The following TMEM130 variants were observed in gnomAD, a reference collection of about 807,000 sequenced individuals.
TMEM130 encodes transmembrane protein 130.
TMEM130 carries 37 observed loss-of-function variants against 42.9 expected under a neutral mutation model. The ratio of observed to expected loss-of-function variants is 0.86; its 90% CI spans 0.66 to 1.13. The LOEUF (loss-of-function observed/expected upper bound fraction) is 1.13, where lower values mean the gene tolerates loss of function less well. Ranked by LOEUF, TMEM130 falls within the 50% of genes most tolerant of loss-of-function variation. TMEM130 has a pLI of 0.00. For synonymous variants in TMEM130, 259 were observed against 237.7 expected, an observed-to-expected ratio of 1.09 and a Z score of -0.82; for missense variants, 545 against 562.6, an observed-to-expected ratio of 0.97 and a Z score of 0.32.
intron 6 of TMEM130, among the ~76,000 whole-genome samples, chr7:98,850,273 A>ATATATATATATATTT: frequency 2.5e-4 from 9 of 35,444 alleles, no homozygotes; most frequent in Admixed American, 4.3e-4. Context: ...ATATATATAT[A>ATATATATATATATTT]TTTTTTTTTT....
At chr7:98,851,101 G>C (rs570106491) in intron 6 of TMEM130, among the ~76,000 whole-genome samples, 1 of 152,116 alleles carries the variant, frequency 6.6e-6, no homozygotes, top group Non-Finnish European at 1.5e-5. Context: ...GGTAATGGTG[G>C]TAGCTGAGTT....
At position 98,862,355 on chromosome 7, in the gene TMEM130, A is replaced by G. The variant is rs190573339; in HGVS notation, c.391+740T>C. Among the ~76,000 whole-genome samples, 3 of 151,706 alleles carry G rather than the reference A, an allele frequency of 2.0e-5. No homozygotes were observed. In the East Asian group the frequency reaches 5.8e-4, roughly 29 times the overall value. ...AGATAGAAAGGGAAAACAGAGAGAG[A>G]AGGGACAGAGAGAGACAGAAAGAGA... On this transcript the variant is annotated intron_variant, in intron 2 of 7. Transcript: ENST00000339375.
rs782417699 is a variant in TMEM130 at position 98,848,542 on chromosome 7, C to A, written c.1119+41G>T. The A allele has an allele frequency of 2.5e-5, 35 of 1,380,768 alleles. No homozygotes were observed. The Admixed American group carries it at 4.0e-4, about 16-fold the overall frequency. 85.5% of individuals were successfully genotyped at this position (1,380,768 alleles called of 1,614,324 possible). A position where few individuals can be genotyped will look rare whatever the true frequency, so the allele number is the denominator to read the frequency against. On this transcript the variant is annotated intron_variant, in intron 7 of 7. Transcript: ENST00000339375. ...ACCCTCTCTAAACATCCTCTCTAGG[C>A]AAGGCCCAGTAGTCCAGCCCCCACC...
intron 6 of TMEM130, among the ~76,000 whole-genome samples, chr7:98,851,047 G>C (rs1229451538): frequency 6.6e-6 from 1 of 152,134 alleles, no homozygotes. Flanking sequence ...AGAGTCGTTA[G>C]TGGTGGCAAT....
intron 2 of TMEM130, among the ~76,000 whole-genome samples, chr7:98,861,455 C>G (rs548812661): frequency 1.2e-4 from 19 of 152,298 alleles, no homozygotes; most frequent in African/African-American, 4.6e-4. Flanking sequence ...TGGCTCACAC[C>G]TGTAATCCCA....
At chr7:98,850,099 G>C (rs372451566) in intron 6 of TMEM130, among the ~76,000 whole-genome samples, 1 of 150,472 alleles carries the variant, frequency 6.6e-6, no homozygotes, top group East Asian at 1.9e-4. Context: ...GCTCAGGCTG[G>C]AGTGCTGTGG....
chr7:98,849,764 G>A (rs1794445308), intron 6 of TMEM130, among the ~76,000 whole-genome samples: 1 of 152,168 alleles, frequency 6.6e-6, no homozygotes. Flanking sequence ...CTCAGGCTCA[G>A]GCTGACATCC....
rs1794501694 is a variant in TMEM130, at chr7:98,851,433, C to T, written c.994G>A (p.Val332Met). ...SKTHQYHKIQVWPSRIQPAVF... is the reference protein window; with the variant it reads ...SKTHQYHKIQMWPSRIQPAVF... Reference sequence around the variant, plus strand: ...AGGTGTCACTTACTGGAGGGCCACACCTGGATCTTGTGGTACTGATGTGTC... The same window carrying T: ...AGGTGTCACTTACTGGAGGGCCACATCTGGATCTTGTGGTACTGATGTGTC... Residue 332 changes from valine to methionine, a missense_variant, in exon 6 of 8, where the codon GTG becomes ATG. Physicochemically the swap from Val to Met is conservative, Grantham distance 21. Transcript: ENST00000339375. 1 of 1,613,930 alleles carries T rather than the reference C, an allele frequency of 6.2e-7. No individual in the cohort carries two copies. The highest frequency in any genetic ancestry group is 1.1e-5 in the South Asian group (1 of 91,064).
chr7:98,851,221 T>C (rs1410206496), intron 6 of TMEM130, among the ~76,000 whole-genome samples, 200 bp downstream of exon 6: 1 of 151,940 alleles, frequency 6.6e-6, no homozygotes, highest in Non-Finnish European at 1.5e-5. Context: ...AGTTTGGTGG[T>C]GGTGGTATTG....
chr7:98,848,457 A>G, intron 7 of TMEM130, 126 bp downstream of exon 7: 1 of 803,206 alleles, frequency 1.2e-6, no homozygotes, highest in Non-Finnish European at 2.1e-6. Context: ...CATCACCCCA[A>G]GTCCCGGAGC....
At chr7:98,849,212 T>G (rs1202488632) in intron 6 of TMEM130, among the ~76,000 whole-genome samples, 2 of 152,190 alleles carry the variant, frequency 1.3e-5, no homozygotes, top group African/African-American at 4.8e-5. Flanking sequence ...TGAAATGGTA[T>G]GGTAGAAAGA....
intron 3 of TMEM130, among the ~76,000 whole-genome samples, chr7:98,856,468 G>A (rs569796093): frequency 2.2e-4 from 34 of 152,318 alleles, no homozygotes; most frequent in African/African-American, 7.9e-4. Flanking sequence ...ACAGCCCCAC[G>A]TGGTGAAGAC....
rs1554401033 is a variant in TMEM130, at chr7:98,869,295, C to T, written c.85+482G>A. On this transcript the variant is annotated intron_variant, in intron 1 of 7. Coordinates refer to ENST00000339375, the MANE Select transcript of TMEM130 (RefSeq NM_152913.3). The surrounding 1 kb of genome is among the most constrained non-coding windows in gnomAD (Gnocchi z 4.7). ...CCTCCTGGGCTCTAAATTCGCATCT[C>T]CCCAAAGCCAGCACCAACACGGTGG... The T allele has an allele frequency of 1.6e-6, 2 of 1,285,822 alleles. No individual in the cohort carries two copies. The highest frequency in any genetic ancestry group is 2.0e-6 in the Non-Finnish European group (2 of 987,568). 79.7% of individuals were successfully genotyped at this position (1,285,822 alleles called of 1,614,324 possible).
chr7:98,855,899 G>C (rs1554398887), intron 4 of TMEM130, 118 bp downstream of exon 4: 2 of 1,203,522 alleles, frequency 1.7e-6, no homozygotes, highest in African/African-American at 3.0e-5. Context: ...ACGCTCCTCA[G>C]AGGTCTGTGG....
At chr7:98,858,312 G>A (rs898232050) in intron 3 of TMEM130, among the ~76,000 whole-genome samples, 5 of 152,140 alleles carry the variant, frequency 3.3e-5, no homozygotes, top group East Asian at 3.8e-4. Context: ...AGGCTGAGGC[G>A]GGAGGATGGC....
chr7:98,865,042 C>T (rs558687899), intron 1 of TMEM130, among the ~76,000 whole-genome samples: 2 of 152,250 alleles, frequency 1.3e-5, no homozygotes, highest in Admixed American at 6.5e-5. Context: ...GCTTCAAACT[C>T]GTTTAGAGCA....
intron 3 of TMEM130, among the ~76,000 whole-genome samples, chr7:98,857,723 CTTT>C (rs781912154): frequency 3.4e-4 from 28 of 82,240 alleles, no homozygotes; most frequent in South Asian, 2.0e-3. Flanking sequence ...AAAACACATC[CTTT>C]TTTTTTTTTT....
chr7:98,856,534 G>C (rs1015694669), intron 3 of TMEM130, among the ~76,000 whole-genome samples: 1 of 152,124 alleles, frequency 6.6e-6, no homozygotes, highest in East Asian at 1.9e-4. Flanking sequence ...TTTTGAGACA[G>C]GGTCTCACTC....
In TMEM130 at chr7:98,858,921, C is replaced by A. The variant is rs144051812; in HGVS notation, c.551+1258G>T. 7.0e-3 allele frequency among the ~76,000 whole-genome samples: 880 copies of A among 126,456 alleles called. 3 individuals carry two copies. The highest frequency in any genetic ancestry group is 0.027 in the Middle Eastern group (7 of 256). The allele number at this position is 126,456 out of a possible 152,430, so 83.0% of individuals were successfully genotyped here. A position where few individuals can be genotyped will look rare whatever the true frequency, so the allele number is the denominator to read the frequency against. On this transcript the variant is annotated intron_variant, in intron 3 of 7. Transcript: ENST00000339375. ...CAGTGGCTCACCCCTGTAATCCCAA[C>A]ACTTTGGGAGGAGGAAGGGAGGGAG... is the stretch of plus-strand genomic sequence containing the variant.
Sources: allele counts gnomAD v4.1 joint callset (sites outside exome capture counted in the v4.1 genomes callset), GRCh38; gene constraint gnomAD v4.1.1; non-coding constraint Gnocchi (gnomAD v3.1); transcripts MANE v1.5; gene names NCBI Gene and HGNC (gene_info 2026-07-23, HGNC 2026-07-21).